Variants in KLRD1 observed in about 807,000 individuals in gnomAD.
KLRD1 encodes the protein killer cell lectin like receptor D1.
Under a neutral mutation model 22.6 loss-of-function variants are expected in KLRD1, and 21 were observed. The observed-to-expected ratio is 0.93, with a 90% CI of 0.66 to 1.34. The LOEUF (loss-of-function observed/expected upper bound fraction) is 1.34, where lower values mean the gene tolerates loss of function less well. KLRD1 is among the 40% of genes most tolerant of loss of function. The pLI is 0.00. For missense variants in KLRD1, 183 were observed against 208.6 expected (o/e 0.88, Z 0.76); for synonymous variants, 59 against 71.1 (o/e 0.83, Z 0.85).
chr12:10,319,858 G>A lies in KLRD1; in HGVS notation c.*5065G>A. On this transcript the variant is annotated 3_prime_UTR_variant, in exon 6 of 6. Coordinates refer to ENST00000336164, the MANE Select transcript of KLRD1 (RefSeq NM_002262.5). ...CAGAAGCTGTGTGAAATAGTAAAGT[G>A]TTTATTCTTTTTTTTTTTTTTTTTT... 7.2e-6 allele frequency: 1 copy of A among 138,936 alleles called. No individual in the cohort carries two copies. 8.6% of individuals were successfully genotyped at this position (138,936 alleles called of 1,614,324 possible). A position where few individuals can be genotyped will look rare whatever the true frequency, so the allele number is the denominator to read the frequency against.
At chr12:10,291,991 C>T (rs759289789) in intron 1 of KLRD1, among the ~76,000 whole-genome samples, 1 of 152,080 alleles carries the variant, frequency 6.6e-6, no homozygotes, top group Non-Finnish European at 1.5e-5. Flanking sequence ...TTTATGGCTG[C>T]GTAGAATTCC....
Position 10,314,536 on chromosome 12 carries a change from G to A in KLRD1, c.420-137G>A, listed in dbSNP as rs1374812982. 5 of 608,578 alleles carry A rather than the reference G, an allele frequency of 8.2e-6. No individual in the cohort carries two copies. In the African/African-American group the frequency reaches 9.8e-5, roughly 12 times the overall value. The allele number at this position is 608,578 out of a possible 1,614,324, so 37.7% of individuals were successfully genotyped here. On this transcript the variant is annotated intron_variant, in intron 5 of 5. Coordinates refer to ENST00000336164, the MANE Select transcript of KLRD1 (RefSeq NM_002262.5). ...TACACTAGAAAATCATGAAAATTGT[G>A]GTTACTGAAAAAAAAAGGACTCAAT...
chr12:10,258,080 T>C (rs1298263552), intron 1 of KLRD1, among the ~76,000 whole-genome samples: 1 of 152,152 alleles, frequency 6.6e-6, no homozygotes, highest in Admixed American at 6.5e-5. Flanking sequence ...TCTGAGTATT[T>C]GTATAATTGT....
At chr12:10,283,124 G>C (rs1026883323) in intron 1 of KLRD1, among the ~76,000 whole-genome samples, 30 of 152,332 alleles carry the variant, frequency 2.0e-4, no homozygotes, top group African/African-American at 6.7e-4. Context: ...AGACAATTCA[G>C]ATATGGGCAA....
At chr12:10,300,271 A>G (rs945090808), upstream of KLRD1, among the ~76,000 whole-genome samples, 12 of 152,254 alleles carry the variant, frequency 7.9e-5, no homozygotes, top group African/African-American at 2.6e-4. Context: ...TATTTCTTAA[A>G]TAATATTAAT....
chr12:10,295,939 A>G (rs1369483318), intron 1 of KLRD1, among the ~76,000 whole-genome samples: 2 of 152,204 alleles, frequency 1.3e-5, no homozygotes, highest in African/African-American at 4.8e-5. Context: ...TTTTAGTCTT[A>G]TCAATTGTTT....
Position 10,328,302 on chromosome 12 carries a change from G to GT in KLRD1, c.*13510dup, listed in dbSNP as rs1455381503. On this transcript the variant is annotated 3_prime_UTR_variant, in exon 6 of 6. Coordinates refer to ENST00000336164, the MANE Select transcript of KLRD1 (RefSeq NM_002262.5). ...ATCTTGTCCTGGGAATTTTTTTGTT[G>GT]TAAGTTTCTTGATTACTGATTCAAT... 6.6e-6 allele frequency: 1 copy of GT among 152,100 alleles called. No homozygotes were observed. Among genetic ancestry groups the GT allele is most frequent in the Non-Finnish European group, 1.5e-5 (1 of 68,000 alleles). 9.4% of individuals were successfully genotyped at this position (152,100 alleles called of 1,614,324 possible). A position where few individuals can be genotyped will look rare whatever the true frequency, so the allele number is the denominator to read the frequency against.
Position 10,320,275 on chromosome 12 carries a change from C to T in KLRD1, c.*5482C>T, listed in dbSNP as rs1226167717. ...TTACTATTATAAAGAAAAAAAAAAA[C>T]CACTAAAATTTTGGAGTGCTTGAAA... On this transcript the variant is annotated 3_prime_UTR_variant, in exon 6 of 6. Transcript: ENST00000336164. The T allele has an allele frequency of 8.4e-6, 1 of 118,502 alleles. No homozygotes were observed. Among genetic ancestry groups the T allele is most frequent in the Non-Finnish European group, 2.0e-5 (1 of 50,740 alleles). 7.3% of individuals were successfully genotyped at this position (118,502 alleles called of 1,614,324 possible). A position where few individuals can be genotyped will look rare whatever the true frequency, so the allele number is the denominator to read the frequency against.
intron 1 of KLRD1, among the ~76,000 whole-genome samples, chr12:10,272,156 A>C (rs1048975736): frequency 6.6e-6 from 1 of 152,174 alleles, no homozygotes; most frequent in Non-Finnish European, 1.5e-5. Flanking sequence ...TTATAGTTGA[A>C]TTTAATCCTA....
At chr12:10,244,571 C>T (rs1949272967) in intron 1 of KLRD1, among the ~76,000 whole-genome samples, 1 of 152,100 alleles carries the variant, frequency 6.6e-6, no homozygotes, top group Non-Finnish European at 1.5e-5. Context: ...CCCCTGAGGT[C>T]AGGAGTCCAA....
intron 1 of KLRD1, among the ~76,000 whole-genome samples, chr12:10,268,708 T>G (rs1248213219): frequency 6.6e-6 from 1 of 152,202 alleles, no homozygotes; most frequent in East Asian, 1.9e-4. Context: ...CAAAAAAATG[T>G]TGAATACTAA....
rs935902418 is a variant in KLRD1 at position 10,325,302 on chromosome 12, T to C, written c.*10509T>C. ...TTATTTCCCAGTTATAAACCTCAGT[T>C]GTTCATGTTATCTTTTTTACGTATC... On this transcript the variant is annotated 3_prime_UTR_variant, in exon 6 of 6. Coordinates refer to ENST00000336164, the MANE Select transcript of KLRD1 (RefSeq NM_002262.5). The C allele has an allele frequency of 2.0e-5, 3 of 152,160 alleles. No individual in the cohort carries two copies. The highest frequency in any genetic ancestry group is 6.5e-5 in the Admixed American group (1 of 15,272). The allele number at this position is 152,160 out of a possible 1,614,324, so 9.4% of individuals were successfully genotyped here.
chr12:10,281,273 A>G (rs1253967901), intron 1 of KLRD1, among the ~76,000 whole-genome samples: 1 of 152,176 alleles, frequency 6.6e-6, no homozygotes, highest in African/African-American at 2.4e-5. Context: ...GAGGAGAGGA[A>G]CAGATTCAGC....
chr12:10,312,673 C>G (rs1043977240), intron 4 of KLRD1, among the ~76,000 whole-genome samples: 1 of 150,882 alleles, frequency 6.6e-6, no homozygotes, highest in Non-Finnish European at 1.5e-5. Flanking sequence ...CCACCGTGCC[C>G]GGCCCCTAAT....
intron 1 of KLRD1, among the ~76,000 whole-genome samples, chr12:10,292,279 T>C (rs146335569): frequency 1.3e-5 from 2 of 152,354 alleles, no homozygotes; most frequent in African/African-American, 4.8e-5. Flanking sequence ...TGTTCTTAAA[T>C]GGAATCTAGA....
At chr12:10,294,404 T>G (rs1339198952) in intron 1 of KLRD1, among the ~76,000 whole-genome samples, 1 of 152,150 alleles carries the variant, frequency 6.6e-6, no homozygotes, top group African/African-American at 2.4e-5. Flanking sequence ...CCCATTTTTT[T>G]GTTCGTTTTT....
chr12:10,264,914 TA>T (rs201354804), intron 1 of KLRD1, among the ~76,000 whole-genome samples: 1,809 of 151,286 alleles, frequency 0.012, 37 homozygotes, highest in African/African-American at 0.042. Flanking sequence ...AAGTTCAACT[TA>T]AAAAAAAAGA....
At chr12:10,307,721 TA>T (rs1949955499), upstream of KLRD1, 1 of 188,558 alleles carries the variant, frequency 5.3e-6, no homozygotes, top group Admixed American at 6.0e-5. Context: ...TTTCAAACAA[TA>T]AAAAACAAAA....
intron 1 of KLRD1, among the ~76,000 whole-genome samples, chr12:10,261,431 C>T (rs937258755): frequency 6.6e-6 from 1 of 152,090 alleles, no homozygotes; most frequent in African/African-American, 2.4e-5. Context: ...GGATCTACTG[C>T]GGGAAACATT....
Sources: allele counts gnomAD v4.1 joint callset (sites outside exome capture counted in the v4.1 genomes callset), GRCh38; gene constraint gnomAD v4.1.1; transcripts MANE v1.5; gene names NCBI Gene and HGNC (gene_info 2026-07-23, HGNC 2026-07-21).